The following DPH6 variants were observed in gnomAD, a reference collection of about 807,000 sequenced individuals.
DPH6 encodes diphthamine biosynthesis 6.
Under a neutral mutation model 38.2 loss-of-function variants are expected in DPH6, and 33 were observed. That is an observed-to-expected ratio of 0.86 (90% CI 0.65 to 1.15). DPH6 has a LOEUF of 1.15. Among genes scored for constraint, DPH6 ranks in the 50% most tolerant of loss-of-function variants. The pLI is 0.00. For synonymous variants in DPH6, 108 were observed against 103.0 expected (o/e 1.05, Z -0.30); for missense variants, 325 against 320.0 (o/e 1.02, Z -0.12).
intron 3 of DPH6, among the ~76,000 whole-genome samples, chr15:35,295,827 A>G (rs2052010793): frequency 6.6e-6 from 1 of 152,136 alleles, no homozygotes; most frequent in African/African-American, 2.4e-5. Context: ...AGTCAGGTAA[A>G]TATTGTTTCA....
chr15:35,192,738 T>C, the DPH6 span, among the ~76,000 whole-genome samples: 1 of 152,226 alleles, frequency 6.6e-6, no homozygotes, highest in African/African-American at 2.4e-5. Flanking sequence ...GTGAGAATAT[T>C]GAATTTGAAA....
chr15:35,358,249 G>A (rs1056648071), intron 3 of DPH6, among the ~76,000 whole-genome samples: 10 of 151,774 alleles, frequency 6.6e-5, no homozygotes, highest in Admixed American at 6.6e-4. Context: ...TTTTCTTTAA[G>A]TTATCTATTT....
intron 3 of DPH6, among the ~76,000 whole-genome samples, chr15:35,528,149 A>C (rs6495780): frequency 0.028 from 4,246 of 152,268 alleles, 187 homozygotes; most frequent in African/African-American, 0.095. Context: ...TACTAATATC[A>C]TAGTTTTGCT....
At chr15:35,318,677 T>C (rs2052213958) in intron 3 of DPH6, among the ~76,000 whole-genome samples, 1 of 152,212 alleles carries the variant, frequency 6.6e-6, no homozygotes, top group Admixed American at 6.5e-5. Context: ...CTTTGCTTCA[T>C]AGCCTAAACT....
In DPH6 at chr15:35,477,332, T is replaced by C. The variant is rs529930772; in HGVS notation, c.313-22512A>G. On this transcript the variant is annotated intron_variant, in intron 3 of 8. Coordinates refer to ENST00000256538, the MANE Select transcript of DPH6 (RefSeq NM_080650.4). ...GGGGAGTGGATTTTCTCTTAAATAT[T>C]AACTTGGAGTTGTTGCACTTTGTTA... Among the ~76,000 whole-genome samples the C allele has an allele frequency of 3.5e-4, 53 of 152,006 alleles. No homozygotes were observed. The East Asian group carries it at 8.1e-3, about 23-fold the overall frequency.
chr15:35,369,614 G>C (rs1203656990), downstream of DPH6, among the ~76,000 whole-genome samples: 1 of 134,214 alleles, frequency 7.5e-6, no homozygotes, highest in African/African-American at 2.9e-5. Context: ...CTTAAAGCCT[G>C]TTATATGAAA....
intron 3 of DPH6, among the ~76,000 whole-genome samples, chr15:35,247,611 G>T (rs1165122747): frequency 6.6e-6 from 1 of 152,206 alleles, no homozygotes; most frequent in African/African-American, 2.4e-5. Flanking sequence ...TCAGTTGGGA[G>T]AAGGAGGGGA....
chr15:35,227,425 C>T (rs528078223), intron 3 of DPH6, among the ~76,000 whole-genome samples: 1 of 151,982 alleles, frequency 6.6e-6, no homozygotes, highest in South Asian at 2.1e-4. Context: ...CCTCATGATC[C>T]ACCCATCTCG....
chr15:35,336,312 A>G (rs2052371937), intron 3 of DPH6, among the ~76,000 whole-genome samples: 1 of 152,066 alleles, frequency 6.6e-6, no homozygotes, highest in African/African-American at 2.4e-5. Flanking sequence ...TACACCAATC[A>G]GACGAAGATT....
At chr15:35,295,953 G>A (rs979559484) in intron 3 of DPH6, among the ~76,000 whole-genome samples, 6 of 150,288 alleles carry the variant, frequency 4.0e-5, no homozygotes, top group South Asian at 2.1e-4. Flanking sequence ...ATAGAGTCTC[G>A]CTCTATCTCA....
intron 3 of DPH6, among the ~76,000 whole-genome samples, chr15:35,353,847 T>A (rs559881770): frequency 3.3e-5 from 5 of 152,346 alleles, no homozygotes; most frequent in Non-Finnish European, 2.9e-5. Flanking sequence ...GGGGATGGCA[T>A]TGAATCTATA....
At chr15:35,169,435 A>G in the DPH6 span, among the ~76,000 whole-genome samples, 1 of 152,170 alleles carries the variant, frequency 6.6e-6, no homozygotes, top group African/African-American at 2.4e-5. Flanking sequence ...TTAGGCACTG[A>G]ATTTATTAGT....
rs2052717741 is a variant in DPH6, at chr15:35,371,949, A to C, written c.*201T>G. 11 of 1,262,756 alleles carry C rather than the reference A, an allele frequency of 8.7e-6. No homozygotes were observed. Among genetic ancestry groups the C allele is most frequent in the Non-Finnish European group, 1.0e-5 (10 of 998,162 alleles). The allele number at this position is 1,262,756 out of a possible 1,614,324, so 78.2% of individuals were successfully genotyped here. ...AAAGAGAAAGAGTGAATTCCAAGAA[A>C]GTTGGCACTATTAATGAACATGCCG... On this transcript the variant is annotated 3_prime_UTR_variant, in exon 9 of 9. Transcript: ENST00000256538.
At chr15:35,172,884 A>G in the DPH6 span, among the ~76,000 whole-genome samples, 2 of 152,032 alleles carry the variant, frequency 1.3e-5, no homozygotes, top group African/African-American at 4.8e-5. Context: ...AGATTTTTAT[A>G]ATAAAAGTGA....
rs7172369 is a variant in DPH6, at chr15:35,510,465, T to G, written c.312+27809A>C. 6.5e-3 allele frequency among the ~76,000 whole-genome samples: 983 copies of G among 152,318 alleles called. 4 individuals are homozygous for G. The highest frequency in any genetic ancestry group is 0.011 in the Non-Finnish European group (735 of 68,020). On this transcript the variant is annotated intron_variant, in intron 3 of 8. Coordinates refer to ENST00000256538, the MANE Select transcript of DPH6 (RefSeq NM_080650.4). ...TATTTAAAAGCATAACTGGAACAAC[T>G]CCTGCATATGTATCAGGTAATTTTC... is the stretch of plus-strand genomic sequence containing the variant.
intron 3 of DPH6, among the ~76,000 whole-genome samples, chr15:35,274,277 T>A (rs2051842760): frequency 6.6e-6 from 1 of 152,104 alleles, no homozygotes; most frequent in Admixed American, 6.5e-5. Flanking sequence ...GACTTAAGTG[T>A]AAAACCCAAA....
At chr15:35,275,173 C>G (rs2051849532) in intron 3 of DPH6, among the ~76,000 whole-genome samples, 1 of 152,126 alleles carries the variant, frequency 6.6e-6, no homozygotes, top group African/African-American at 2.4e-5. Flanking sequence ...CCCCAGCCTC[C>G]CAAAGTGCTG....
intron 5 of DPH6, among the ~76,000 whole-genome samples, chr15:35,429,614 A>C (rs2053608306): frequency 6.6e-6 from 1 of 152,116 alleles, no homozygotes; most frequent in East Asian, 1.9e-4. Flanking sequence ...TATTAGGTCC[A>C]TTTGTTTAAG....
At chr15:35,298,921 A>T in intron 3 of DPH6, 1 of 807,894 alleles carries the variant, frequency 1.2e-6, no homozygotes, top group Non-Finnish European at 2.2e-6. Flanking sequence ...GAAGTGGGTG[A>T]GGCAATGGCA....
Sources: allele counts gnomAD v4.1 joint callset (sites outside exome capture counted in the v4.1 genomes callset), GRCh38; gene constraint gnomAD v4.1.1; transcripts MANE v1.5; gene names NCBI Gene and HGNC (gene_info 2026-07-23, HGNC 2026-07-21).